PTBP3: variants seen among roughly 807,000 people sequenced by gnomAD.
PTBP3 encodes polypyrimidine tract binding protein 3, also known as polypyrimidine tract-binding protein 3.
Under a neutral mutation model 58.7 loss-of-function variants are expected in PTBP3, and 20 were observed. That is an observed-to-expected ratio of 0.34 (90% confidence interval 0.24 to 0.50). The LOEUF (loss-of-function observed/expected upper bound fraction) is 0.50. Ranked by LOEUF, PTBP3 falls within the 20% of genes least tolerant of loss-of-function variation. The pLI, the probability that PTBP3 is intolerant of heterozygous loss-of-function variation, is 0.98. For synonymous variants in PTBP3, 185 were observed against 219.8 expected (o/e 0.84, Z 1.40); for missense variants, 509 against 637.2 (o/e 0.80, Z 2.17).
intron 1 of PTBP3, among the ~76,000 whole-genome samples, chr9:112,332,510 A>C (rs1830415623): frequency 1.3e-5 from 2 of 152,184 alleles, no homozygotes; most frequent in Non-Finnish European, 2.9e-5. Flanking sequence ...GCTAAAAAAA[A>C]CCTCAAATAC....
the PTBP3 span, among the ~76,000 whole-genome samples, chr9:112,339,147 C>T: frequency 6.6e-6 from 1 of 151,860 alleles, no homozygotes; most frequent in Non-Finnish European, 1.5e-5. Context: ...AAAAATTAGC[C>T]AGGCGTGGTG....
chr9:112,317,387 G>C (rs1036760324), intron 1 of PTBP3, among the ~76,000 whole-genome samples: 1 of 152,108 alleles, frequency 6.6e-6, no homozygotes, highest in Admixed American at 6.6e-5. Flanking sequence ...CTGGGCAACA[G>C]AGCAAGACCC....
rs545840612 is a variant in PTBP3, at chr9:112,329,212, A to C, written c.-52+4258T>G. Among the ~76,000 whole-genome samples, 14 of 152,304 alleles carry C rather than the reference A, an allele frequency of 9.2e-5. No homozygotes were observed. The South Asian group carries it at 2.9e-3, about 32-fold the overall frequency. On this transcript the variant is annotated intron_variant, in intron 1 of 13. Coordinates refer to ENST00000374257, the MANE Select transcript of PTBP3 (RefSeq NM_001163788.4). The stretch of plus-strand genomic sequence containing the variant: ...GATCACCTGAGGTCAGGAGTTGGAG[A>C]CCAGCCTGGGCAACGTGTCGAAACC...
chr9:112,280,472 G>A (rs1233199330), intron 2 of PTBP3, among the ~76,000 whole-genome samples: 1 of 152,142 alleles, frequency 6.6e-6, no homozygotes, highest in East Asian at 1.9e-4. Flanking sequence ...CTTGATATTA[G>A]GGGAAAAGCA....
intron 1 of PTBP3, among the ~76,000 whole-genome samples, chr9:112,312,422 A>G (rs1272287456): frequency 6.6e-6 from 1 of 150,864 alleles, no homozygotes; most frequent in Non-Finnish European, 1.5e-5. Context: ...ACTTGAGCCC[A>G]GGAGATCAAG....
At chr9:112,355,768 C>T in the PTBP3 span, among the ~76,000 whole-genome samples, 4 of 151,726 alleles carry the variant, frequency 2.6e-5, no homozygotes, top group Admixed American at 6.6e-5. Flanking sequence ...TACAGGCATG[C>T]GCCACCGCGC....
intron 3 of PTBP3, 29 bp downstream of exon 3, chr9:112,275,815 C>T: frequency 1.9e-6 from 3 of 1,552,972 alleles, no homozygotes; most frequent in Non-Finnish European, 1.8e-6. Context: ...GAGATAATCA[C>T]TCTTTGTCAA....
intron 1 of PTBP3, among the ~76,000 whole-genome samples, chr9:112,300,109 T>C (rs1169021801): frequency 6.6e-6 from 1 of 152,198 alleles, no homozygotes; most frequent in Non-Finnish European, 1.5e-5. Flanking sequence ...AGTAATAATG[T>C]GGGGTGACAA....
intron 2 of PTBP3, 91 bp downstream of exon 2, chr9:112,297,741 C>T: frequency 9.2e-7 from 1 of 1,092,008 alleles, no homozygotes; most frequent in African/African-American, 1.6e-5. Context: ...AACAGTGGCA[C>T]TTCAACATGA....
chr9:112,286,082 CT>C (rs1324231710), intron 2 of PTBP3, among the ~76,000 whole-genome samples: 2 of 152,178 alleles, frequency 1.3e-5, no homozygotes, highest in Non-Finnish European at 2.9e-5. Flanking sequence ...TGGTAATATT[CT>C]TTTGCCCAAA....
At chr9:112,376,132 C>T in the PTBP3 span, among the ~76,000 whole-genome samples, 126 of 134,050 alleles carry the variant, frequency 9.4e-4, 1 homozygote, top group African/African-American at 3.6e-3. Context: ...TACCAAAATC[C>T]GTATTAGTCA....
chr9:112,265,771 T>C (rs1370861992), intron 4 of PTBP3, among the ~76,000 whole-genome samples: 2 of 152,008 alleles, frequency 1.3e-5, no homozygotes, highest in East Asian at 1.9e-4. Flanking sequence ...AACTAATATA[T>C]GACAAAGGAC....
At chr9:112,349,220 CTTCCGGGT>C in the PTBP3 span, among the ~76,000 whole-genome samples, 2 of 152,096 alleles carry the variant, frequency 1.3e-5, no homozygotes, top group Non-Finnish European at 2.9e-5. Context: ...ATTTGATGAG[CTTCCGGGT>C]TGCTAGACAT....
intron 5 of PTBP3, among the ~76,000 whole-genome samples, chr9:112,254,289 C>CT (rs956809018): frequency 2.7e-4 from 41 of 152,218 alleles, no homozygotes; most frequent in African/African-American, 9.1e-4. Context: ...CCTGGCCCTG[C>CT]TTTTTAATTC....
intron 3 of PTBP3, among the ~76,000 whole-genome samples, chr9:112,268,843 T>C (rs1236399998): frequency 6.6e-6 from 1 of 152,176 alleles, no homozygotes; most frequent in Non-Finnish European, 1.5e-5. Flanking sequence ...AATAAATGTG[T>C]ACATCACCAT....
chr9:112,343,431 G>A, the PTBP3 span, among the ~76,000 whole-genome samples: 13 of 152,176 alleles, frequency 8.5e-5, no homozygotes, highest in African/African-American at 1.2e-4. Flanking sequence ...CACTACAAGC[G>A]TTAGCTCATA....
intron 1 of PTBP3, among the ~76,000 whole-genome samples, chr9:112,305,871 C>T (rs1281759499): frequency 6.6e-6 from 1 of 152,030 alleles, no homozygotes; most frequent in Non-Finnish European, 1.5e-5. Flanking sequence ...TCCCAGGAGG[C>T]GGAGCTTGCA....
chr9:112,299,005 AG>A (rs764074238), intron 1 of PTBP3, among the ~76,000 whole-genome samples: 5 of 152,206 alleles, frequency 3.3e-5, no homozygotes, highest in Non-Finnish European at 5.9e-5. Flanking sequence ...CTTAAAGCAC[AG>A]GTCTTCCTAA....
downstream of PTBP3, chr9:112,218,127 G>C (rs563715199): frequency 2.0e-5 from 3 of 152,214 alleles, no homozygotes; most frequent in East Asian, 5.8e-4. Flanking sequence ...AAAGGAGAGT[G>C]AGTGTGCAAG....
Sources: gnomAD v4.1 joint callset for allele counts (sites outside exome capture counted in the v4.1 genomes callset) on GRCh38, gnomAD v4.1.1 for gene constraint, MANE v1.5 for transcripts, NCBI Gene and HGNC (gene_info 2026-07-23, HGNC 2026-07-21) for gene names.